Variants in CHST8 observed in about 807,000 individuals in gnomAD.
CHST8 encodes the protein carbohydrate sulfotransferase 8, also known as GALNAC-4-ST1.
CHST8 carries 10 observed loss-of-function variants against 15.0 expected under a neutral mutation model. The observed-to-expected ratio is 0.67, with a 90% CI of 0.41 to 1.13. The LOEUF (loss-of-function observed/expected upper bound fraction) is 1.13, where lower values mean the gene tolerates loss of function less well. Ranked by LOEUF, CHST8 falls within the 50% of genes most tolerant of loss-of-function variation. CHST8 has a pLI of 0.00. For missense variants in CHST8, 634 were observed against 608.2 expected, an observed-to-expected ratio of 1.04 and a Z score of -0.45; for synonymous variants, 259 against 256.6, an observed-to-expected ratio of 1.01 and a Z score of -0.09.
chr19:33,768,401 C>T (rs887589757), intron 3 of CHST8, among the ~76,000 whole-genome samples: 1 of 151,948 alleles, frequency 6.6e-6, no homozygotes, highest in African/African-American at 2.4e-5. Flanking sequence ...ATAGCAAGAC[C>T]CCATCTCTAA....
At chr19:33,693,777 T>G (rs185779559) in intron 3 of CHST8, among the ~76,000 whole-genome samples, 6 of 151,914 alleles carry the variant, frequency 3.9e-5, no homozygotes, top group African/African-American at 1.5e-4. Flanking sequence ...TAGGGGAGTT[T>G]TGGGGGACAG....
intron 1 of CHST8, among the ~76,000 whole-genome samples, chr19:33,665,894 G>A (rs1242350495): frequency 2.0e-5 from 3 of 152,242 alleles, no homozygotes; most frequent in Non-Finnish European, 4.4e-5. Context: ...AGCAGACAAG[G>A]TCAGACTGGG....
chr19:33,660,658 C>T (rs1160755036), intron 1 of CHST8, among the ~76,000 whole-genome samples: 1 of 152,170 alleles, frequency 6.6e-6, no homozygotes, highest in East Asian at 1.9e-4. Flanking sequence ...CATCAGCAAC[C>T]CGGAGTTTAC....
intron 2 of CHST8, among the ~76,000 whole-genome samples, chr19:33,668,803 G>A (rs540852939): frequency 6.6e-5 from 10 of 152,186 alleles, no homozygotes; most frequent in African/African-American, 2.2e-4. Context: ...ATTTTGCTTC[G>A]TGACACTCGT....
intron 1 of CHST8, among the ~76,000 whole-genome samples, chr19:33,634,039 C>T (rs751053702): frequency 1.3e-5 from 2 of 150,460 alleles, no homozygotes; most frequent in Non-Finnish European, 3.0e-5. Context: ...AGGCTGGTCT[C>T]GAACTCCTGG....
At chr19:33,668,411 A>G (rs937966881) in intron 2 of CHST8, among the ~76,000 whole-genome samples, 14 of 152,226 alleles carry the variant, frequency 9.2e-5, no homozygotes, top group African/African-American at 2.6e-4. Flanking sequence ...GGCTTGTCCA[A>G]AGATGTGTCA....
At position 33,768,436 on chromosome 19, in the gene CHST8, T is replaced by G. The variant is rs1223454479; in HGVS notation, c.131-2977T>G. On this transcript the variant is annotated intron_variant, in intron 3 of 4. Coordinates refer to ENST00000650847, the MANE Select transcript of CHST8 (RefSeq NM_001127895.2). ...ACTATTTCTAAAATAAATGTAAATT[T>G]TTTTTCTTTTTCTTTATTTTATTTT... Among the ~76,000 whole-genome samples, 3 of 152,160 alleles carry G rather than the reference T, an allele frequency of 2.0e-5. No homozygotes were observed. In the East Asian group the frequency reaches 5.8e-4, roughly 29 times the overall value.
chr19:33,720,818 C>T (rs1049532227), intron 3 of CHST8, among the ~76,000 whole-genome samples: 1 of 152,080 alleles, frequency 6.6e-6, no homozygotes, highest in South Asian at 2.1e-4. Flanking sequence ...TTGCAGGGGT[C>T]AGCCTAGCCT....
At chr19:33,763,183 G>A (rs1974770802) in intron 3 of CHST8, among the ~76,000 whole-genome samples, 1 of 152,184 alleles carries the variant, frequency 6.6e-6, no homozygotes, top group African/African-American at 2.4e-5. Context: ...GATGTGCTAA[G>A]CCTGCATTAA....
At chr19:33,625,961 T>A (rs2145430935) in intron 1 of CHST8, among the ~76,000 whole-genome samples, 1 of 152,268 alleles carries the variant, frequency 6.6e-6, no homozygotes, top group South Asian at 2.1e-4. Flanking sequence ...GCAATCTGCA[T>A]GGTGACAGCG....
intron 1 of CHST8, among the ~76,000 whole-genome samples, chr19:33,650,580 G>A (rs946258921): frequency 7.1e-5 from 9 of 126,726 alleles, no homozygotes; most frequent in Admixed American, 1.9e-4. Context: ...CGTCCAGGCT[G>A]GAGTATAGTG....
chr19:33,623,739 C>T (rs1172790606), intron 1 of CHST8, among the ~76,000 whole-genome samples: 1 of 152,170 alleles, frequency 6.6e-6, no homozygotes, highest in Non-Finnish European at 1.5e-5. Flanking sequence ...TCCTGCCCAC[C>T]CTGTGCCCTG....
At chr19:33,652,366 C>A (rs1972459800) in intron 1 of CHST8, among the ~76,000 whole-genome samples, 1 of 138,150 alleles carries the variant, frequency 7.2e-6, no homozygotes, top group East Asian at 2.1e-4. Context: ...TTTATATTTT[C>A]TCTCTCTTTT....
rs141781495 is a variant in CHST8, at chr19:33,691,214, G to T, written c.130+1823G>T. ...AGGTGGGCTGGGGACCCAGGGGACG[G>T]CTGGGATTTCTGGGAAGATCGGATC... On this transcript the variant is annotated intron_variant, in intron 3 of 4. Coordinates refer to ENST00000650847, the MANE Select transcript of CHST8 (RefSeq NM_001127895.2). 2.0e-5 allele frequency among the ~76,000 whole-genome samples: 3 copies of T among 152,214 alleles called. No individual in the cohort carries two copies. In the East Asian group the frequency reaches 5.8e-4, roughly 29 times the overall value.
chr19:33,693,777 T>C (rs185779559), intron 3 of CHST8, among the ~76,000 whole-genome samples: 7 of 152,032 alleles, frequency 4.6e-5, no homozygotes, highest in East Asian at 1.9e-4. Context: ...TAGGGGAGTT[T>C]TGGGGGACAG....
At chr19:33,710,889 T>A (rs1973535797) in intron 3 of CHST8, among the ~76,000 whole-genome samples, 1 of 146,314 alleles carries the variant, frequency 6.8e-6, no homozygotes, top group Non-Finnish European at 1.5e-5. Flanking sequence ...TTTTTTTTTT[T>A]AAGGGGTAGG....
chr19:33,723,181 G>A (rs2145313372), intron 3 of CHST8, among the ~76,000 whole-genome samples: 1 of 152,324 alleles, frequency 6.6e-6, no homozygotes, highest in South Asian at 2.1e-4. Flanking sequence ...GGATCTTTGT[G>A]TGTGCGTGCA....
chr19:33,638,496 G>A (rs1972236509), intron 1 of CHST8, among the ~76,000 whole-genome samples: 1 of 152,104 alleles, frequency 6.6e-6, no homozygotes, highest in African/African-American at 2.4e-5. Flanking sequence ...CATAAATATT[G>A]TATGGGACTC....
chr19:33,742,402 A>G (rs1443974678), intron 3 of CHST8, among the ~76,000 whole-genome samples: 1 of 152,226 alleles, frequency 6.6e-6, no homozygotes, highest in African/African-American at 2.4e-5. Context: ...TCATGGCAGA[A>G]GGCGAAGGGG....
Sources: gnomAD v4.1 joint callset for allele counts (sites outside exome capture counted in the v4.1 genomes callset) on GRCh38, gnomAD v4.1.1 for gene constraint, MANE v1.5 for transcripts, NCBI Gene and HGNC (gene_info 2026-07-23, HGNC 2026-07-21) for gene names.